The following GRHL1 variants were observed in gnomAD, a reference collection of about 807,000 sequenced individuals.
The protein encoded by GRHL1 is grainyhead-like protein 1 homolog.
In GRHL1, 38 loss-of-function variants were observed where a neutral mutation model predicts 75.7. The observed-to-expected ratio is 0.50, with a 90% CI of 0.39 to 0.66. The LOEUF (loss-of-function observed/expected upper bound fraction) is 0.66, where lower values mean the gene tolerates loss of function less well. Among genes scored for constraint, GRHL1 ranks in the 30% least tolerant of loss-of-function variants. The pLI, the probability that GRHL1 is intolerant of heterozygous loss-of-function variation, is 0.00. For synonymous variants in GRHL1, 266 were observed against 279.4 expected (o/e 0.95, Z 0.48); for missense variants, 589 against 767.5 (o/e 0.77, Z 2.75).
chr2:9,996,785 A>G (rs970512289), intron 14 of GRHL1, among the ~76,000 whole-genome samples: 1 of 152,218 alleles, frequency 6.6e-6, no homozygotes, highest in Non-Finnish European at 1.5e-5. Context: ...AAAACTCCCA[A>G]TCCTAGGAAA....
At chr2:9,955,309 C>T (rs1465970490) in intron 2 of GRHL1, among the ~76,000 whole-genome samples, 2 of 152,170 alleles carry the variant, frequency 1.3e-5, no homozygotes, top group South Asian at 2.1e-4. Context: ...ACATGCAAAG[C>T]GGTCAGCTGC....
rs1347463670 is a variant in GRHL1, at chr2:9,998,629, T to TATATAC, written c.1678-335_1678-334insTATACA. Among the ~76,000 whole-genome samples, 16 of 34,198 alleles carry TATATAC rather than the reference T, an allele frequency of 4.7e-4. 2 individuals carry two copies. The highest frequency in any genetic ancestry group is 2.6e-3 in the African/African-American group (14 of 5,302). 22.4% of individuals were successfully genotyped at this position (34,198 alleles called of 152,430 possible). On this transcript the variant is annotated intron_variant, in intron 14 of 15. Transcript: ENST00000324907. ...ATATATACATATATATGTACACATA[T>TATATAC]ACATATATATGTACACATATACATA...
At chr2:9,988,464 C>A (rs1668515250) in intron 9 of GRHL1, among the ~76,000 whole-genome samples, 1 of 152,142 alleles carries the variant, frequency 6.6e-6, no homozygotes, top group Non-Finnish European at 1.5e-5. Flanking sequence ...ATGTCAGTTC[C>A]CAACCCTGAC....
In GRHL1 at chr2:9,992,575, G is replaced by A. The variant is rs1028004152; in HGVS notation, c.1461+429G>A. ...CCAGTTACTGAGCCGTCCTTGCCAC[G>A]TGTAGTTACCAATGGCCATGTCTTG... On this transcript the variant is annotated intron_variant, in intron 11 of 15. Coordinates refer to ENST00000324907, the MANE Select transcript of GRHL1 (RefSeq NM_198182.3). The surrounding 1 kb of genome is among the most constrained non-coding windows in gnomAD (Gnocchi z 4.6). 1.3e-5 allele frequency among the ~76,000 whole-genome samples: 2 copies of A among 152,148 alleles called. No homozygotes were observed. The highest frequency in any genetic ancestry group is 2.4e-5 in the African/African-American group (1 of 41,438).
At chr2:9,977,947 T>C (rs1423592672) in intron 8 of GRHL1, among the ~76,000 whole-genome samples, 1 of 152,170 alleles carries the variant, frequency 6.6e-6, no homozygotes, top group Admixed American at 6.5e-5. Flanking sequence ...CTCAAAATCA[T>C]GGCGGAAGGC....
intron 3 of GRHL1, 87 bp downstream of exon 3, chr2:9,958,943 C>T (rs1667153659): frequency 6.5e-7 from 1 of 1,546,610 alleles, no homozygotes; most frequent in Non-Finnish European, 8.8e-7. Flanking sequence ...TTTAAATGAA[C>T]AACCACTAGT....
chr2:9,954,863 A>G (rs2303918), intron 1 of GRHL1, 52 bp from the exon 2 acceptor site: 793,592 of 1,369,944 alleles, frequency 0.58, 233,541 homozygotes, highest in African/African-American at 0.77. Context: ...AGCTTATGAT[A>G]CCTTGCAGTA....
chr2:9,980,124 A>T (rs1307954032), intron 8 of GRHL1, among the ~76,000 whole-genome samples: 6 of 150,226 alleles, frequency 4.0e-5, no homozygotes, highest in African/African-American at 1.5e-4. Context: ...TGAACCTCTG[A>T]TGGTGATCTG....
At chr2:9,973,797 A>G (rs1036864906) in intron 8 of GRHL1, among the ~76,000 whole-genome samples, 1 of 152,204 alleles carries the variant, frequency 6.6e-6, no homozygotes, top group African/African-American at 2.4e-5. Flanking sequence ...TTGAATTTAA[A>G]TAAATACTAA....
chr2:9,972,702 G>T (rs1012767975), intron 8 of GRHL1, among the ~76,000 whole-genome samples: 2 of 152,300 alleles, frequency 1.3e-5, no homozygotes, highest in African/African-American at 4.8e-5. Context: ...TGGCCTGTGT[G>T]CCTTGTGTCA....
chr2:9,995,009 A>T (rs975169212), intron 12 of GRHL1, among the ~76,000 whole-genome samples: 12 of 152,136 alleles, frequency 7.9e-5, no homozygotes, highest in African/African-American at 2.9e-4. Context: ...CACTTTGGGT[A>T]CCAACACACT....
chr2:9,997,861 C>G (rs1668942215), intron 14 of GRHL1, among the ~76,000 whole-genome samples: 1 of 151,802 alleles, frequency 6.6e-6, no homozygotes, highest in Middle Eastern at 3.4e-3. Flanking sequence ...AAAAAACATG[C>G]AAATTCTGAT....
At chr2:9,994,119 A>T (rs567022061) in intron 12 of GRHL1, among the ~76,000 whole-genome samples, 3 of 152,098 alleles carry the variant, frequency 2.0e-5, no homozygotes, top group Non-Finnish European at 4.4e-5. Flanking sequence ...GGACTTTTTC[A>T]ACAAGGCAAA....
intron 8 of GRHL1, among the ~76,000 whole-genome samples, chr2:9,978,354 G>T (rs1050388059): frequency 6.6e-6 from 1 of 152,186 alleles, no homozygotes; most frequent in Non-Finnish European, 1.5e-5. Context: ...TGTATCCGTT[G>T]GTGCTGGATC....
intron 15 of GRHL1, among the ~76,000 whole-genome samples, chr2:9,999,559 C>T (rs1669179070): frequency 6.6e-6 from 1 of 152,270 alleles, no homozygotes; most frequent in African/African-American, 2.4e-5. Flanking sequence ...GGCTGAGGCT[C>T]AGAGTTCAAG....
intron 8 of GRHL1, among the ~76,000 whole-genome samples, chr2:9,985,065 CA>C (rs3032357): frequency 0.2 from 24,247 of 122,336 alleles, 1,901 homozygotes; most frequent in Middle Eastern, 0.25. Flanking sequence ...CAGACTGTCT[CA>C]AAAAAAAAAA....
chr2:9,965,442 G>T, intron 8 of GRHL1, 61 bp downstream of exon 8: 3 of 882,536 alleles, frequency 3.4e-6, no homozygotes, highest in African/African-American at 1.7e-5. Context: ...GGAGTTTAAT[G>T]ATTTGACAAC....
At chr2:9,983,779 T>C (rs1470512560) in intron 8 of GRHL1, among the ~76,000 whole-genome samples, 1 of 144,098 alleles carries the variant, frequency 6.9e-6, no homozygotes, top group East Asian at 1.9e-4. Flanking sequence ...GCATGGACTT[T>C]TTTTTTTTTT....
intron 3 of GRHL1, 105 bp from the exon 4 acceptor site, chr2:9,960,941 A>C: frequency 2.6e-6 from 2 of 772,064 alleles, no homozygotes; most frequent in South Asian, 3.9e-5. Context: ...TTATTCTGTC[A>C]AGTGTTATTG....
Sources: gnomAD v4.1 joint callset for allele counts (sites outside exome capture counted in the v4.1 genomes callset) on GRCh38, gnomAD v4.1.1 for gene constraint, Gnocchi (gnomAD v3.1) non-coding constraint, MANE v1.5 for transcripts, NCBI Gene and HGNC (gene_info 2026-07-23, HGNC 2026-07-21) for gene names.